The following DCTN3 variants were observed in gnomAD, a reference collection of about 807,000 sequenced individuals.
DCTN3 encodes dynactin 3 (p22).
Under a neutral mutation model 28.4 loss-of-function variants are expected in DCTN3, and 25 were observed. The ratio of observed to expected loss-of-function variants is 0.88; its 90% CI spans 0.64 to 1.23. The LOEUF is 1.23. Among genes scored for constraint, DCTN3 ranks in the 50% most tolerant of loss-of-function variants. The pLI, the probability that DCTN3 is intolerant of heterozygous loss-of-function variation, is 0.00. For missense variants in DCTN3, 229 were observed against 232.0 expected, an observed-to-expected ratio of 0.99 and a Z score of 0.08; for synonymous variants, 81 against 91.4, an observed-to-expected ratio of 0.89 and a Z score of 0.65.
chr9:34,614,646 C>A, intron 5 of DCTN3, 64 bp downstream of exon 5: 1 of 1,589,414 alleles, frequency 6.3e-7, no homozygotes. Context: ...CCCCAGGTGG[C>A]ATGAGTTGGG....
chr9:34,617,933 C>T lies in DCTN3; in HGVS notation c.220G>A (p.Asp74Asn), dbSNP rs1020680836. The change falls in exon 3 of 7, where the codon GAC (aspartate) becomes AAC (asparagine). Residue 74 changes from aspartate to asparagine, a missense_variant. Physicochemically the swap from Asp to Asn is conservative, Grantham distance 23. Coordinates refer to ENST00000259632, the MANE Select transcript of DCTN3 (RefSeq NM_007234.5). Reference sequence around the variant, plus strand: ...GAGGCATCAGGTATGGCAATGCGGTCGATGTACTCAGGATCCAGGTACTTG... The same window carrying T: ...GAGGCATCAGGTATGGCAATGCGGTTGATGTACTCAGGATCCAGGTACTTG... The part of the protein sequence containing the change: ...LIKYLDPEYI[D>N]RIAIPDASKL... 25 of 1,613,698 alleles carry T rather than the reference C, an allele frequency of 1.5e-5. No individual in the cohort carries two copies. Among genetic ancestry groups the T allele is most frequent in the South Asian group, 3.3e-5 (3 of 91,038 alleles).
At chr9:34,617,599 T>C (rs1327783357) in intron 3 of DCTN3, 15 of 1,323,230 alleles carry the variant, frequency 1.1e-5, no homozygotes, top group Non-Finnish European at 1.3e-5. Context: ...TGAGCAGAAG[T>C]GAGGAAGGTT....
At chr9:34,620,329 G>C in intron 1 of DCTN3, 40 bp downstream of exon 1, 1 of 1,583,194 alleles carries the variant, frequency 6.3e-7, no homozygotes, top group Non-Finnish European at 8.7e-7. Flanking sequence ...GACCGCTCTT[G>C]CTCTGCTCCA....
Position 34,616,244 on chromosome 9 carries a change from C to A in DCTN3, c.269-131G>T. 1.6e-6 allele frequency: 1 copy of A among 639,868 alleles called. No homozygotes were observed. The highest frequency in any genetic ancestry group is 2.8e-6 in the Non-Finnish European group (1 of 356,106). The allele number at this position is 639,868 out of a possible 1,614,324, so 39.6% of individuals were successfully genotyped here. Reference sequence around the variant, plus strand: ...GAGCTTTGGACAGTGACTCTGTCCACTGCCCCCTTCTCTAGGTGCACATTT... The same window carrying A: ...GAGCTTTGGACAGTGACTCTGTCCAATGCCCCCTTCTCTAGGTGCACATTT... On this transcript the variant is annotated intron_variant, in intron 3 of 6. Transcript: ENST00000259632. The surrounding 1 kb of genome is among the most constrained non-coding windows in gnomAD (Gnocchi z 4.7).
At chr9:34,614,003 A>G (rs1464197176) in intron 6 of DCTN3, 39 bp downstream of exon 6, 3 of 1,605,076 alleles carry the variant, frequency 1.9e-6, no homozygotes, top group Non-Finnish European at 2.6e-6. Flanking sequence ...GGGCTTAGGG[A>G]CAGCACCCAT....
At chr9:34,618,247 T>G (rs1299438498) in intron 2 of DCTN3, among the ~76,000 whole-genome samples, 1 of 152,132 alleles carries the variant, frequency 6.6e-6, no homozygotes, top group Non-Finnish European at 1.5e-5. Flanking sequence ...TGACCTATCC[T>G]CACCAAGGGT....
chr9:34,618,034 G>C (rs182852524), intron 2 of DCTN3, 63 bp from the exon 3 acceptor site: 3 of 1,533,982 alleles, frequency 2.0e-6, no homozygotes, highest in Admixed American at 1.8e-5. Context: ...CCTTATGAAG[G>C]ATGTTTGACA....
At chr9:34,615,836 G>C in intron 4 of DCTN3, 194 bp downstream of exon 4, 1 of 436,242 alleles carries the variant, frequency 2.3e-6, no homozygotes, top group Non-Finnish European at 4.1e-6. Context: ...AGGAGGCAGC[G>C]GTTGCAGTGA....
chr9:34,614,646 C>G, intron 5 of DCTN3, 64 bp downstream of exon 5: 1 of 1,589,414 alleles, frequency 6.3e-7, no homozygotes, highest in Non-Finnish European at 8.6e-7. Flanking sequence ...CCCCAGGTGG[C>G]ATGAGTTGGG....
intron 1 of DCTN3, 79 bp downstream of exon 1, chr9:34,620,290 G>A (rs1820523847): frequency 8.1e-7 from 1 of 1,236,434 alleles, no homozygotes; most frequent in Admixed American, 1.8e-5. Flanking sequence ...CAGGACTGGA[G>A]CGGTTGCATC....
chr9:34,615,004 G>A lies in DCTN3; in HGVS notation c.353-236C>T. Reference sequence around the variant, plus strand: ...GTCCCGAGGAGAAGACAAAACCTTGGGGTTCCCAGTGTTGCTCCCTACCCC... The same window carrying A: ...GTCCCGAGGAGAAGACAAAACCTTGAGGTTCCCAGTGTTGCTCCCTACCCC... On this transcript the variant is annotated intron_variant, in intron 4 of 6. Coordinates refer to ENST00000259632, the MANE Select transcript of DCTN3 (RefSeq NM_007234.5). 7 of 548,260 alleles carry A rather than the reference G, an allele frequency of 1.3e-5. No individual in the cohort carries two copies. In the South Asian group the frequency reaches 1.7e-4, roughly 14 times the overall value. The allele number at this position is 548,260 out of a possible 1,614,324, so 34.0% of individuals were successfully genotyped here. A position where few individuals can be genotyped will look rare whatever the true frequency, so the allele number is the denominator to read the frequency against.
chr9:34,615,864 G>GAGT, intron 4 of DCTN3, 166 bp downstream of exon 4: 1 of 508,832 alleles, frequency 2.0e-6, no homozygotes, highest in East Asian at 3.4e-5. Context: ...TCATGCCACT[G>GAGT]CACTCCAGCC....
chr9:34,618,479 G>A (rs971917484), intron 2 of DCTN3, among the ~76,000 whole-genome samples, 197 bp downstream of exon 2: 7 of 152,180 alleles, frequency 4.6e-5, no homozygotes, highest in Admixed American at 1.3e-4. Flanking sequence ...ACACTGTCAT[G>A]GGCTTGAGGT....
At chr9:34,613,978 T>G (rs1290879745) in intron 6 of DCTN3, 64 bp downstream of exon 6, 2 of 1,606,332 alleles carry the variant, frequency 1.2e-6, no homozygotes, top group Admixed American at 3.3e-5. Context: ...GAGCTAGAGG[T>G]GGAACAAAAG....
Position 34,616,040 on chromosome 9 carries a change from A to C in DCTN3, c.342T>G (p.Ala114=). 2 of 1,613,982 alleles carry C rather than the reference A, an allele frequency of 1.2e-6. No homozygotes were observed. Among genetic ancestry groups the C allele is most frequent in the Non-Finnish European group, 1.7e-6 (2 of 1,179,898 alleles). The part of the protein sequence containing the change: ...VNALVPMLDS[A]HIKAVPEHAA... ...ACCCCAGAGAGATACCTTTGATGTG[A>C]GCACTGTCCAGCATGGGCACCAAGG... Residue 114 remains alanine, a synonymous_variant, in exon 4 of 7, where the codon GCT becomes GCG. Coordinates refer to ENST00000259632, the MANE Select transcript of DCTN3 (RefSeq NM_007234.5). This position sits in a 1 kb window ranked among gnomAD's most constrained non-coding sequence, Gnocchi z 4.7.
chr9:34,617,927 T>A lies in DCTN3; in HGVS notation c.226A>T (p.Ile76Phe). ...AGCTTAGAGGCATCAGGTATGGCAA[T>A]GCGGTCGATGTACTCAGGATCCAGG... Reference protein sequence around the residue: ...KYLDPEYIDRIAIPDASKLQF... With the variant: ...KYLDPEYIDRFAIPDASKLQF... The change falls in exon 3 of 7, where the codon ATT becomes TTT. Residue 76 changes from isoleucine to phenylalanine, a missense_variant. Coordinates refer to ENST00000259632, the MANE Select transcript of DCTN3 (RefSeq NM_007234.5). The A allele has an allele frequency of 6.2e-7, 1 of 1,613,964 alleles. No homozygotes were observed.
At chr9:34,620,023 T>G (rs990155011) in intron 1 of DCTN3, among the ~76,000 whole-genome samples, 2 of 152,214 alleles carry the variant, frequency 1.3e-5, no homozygotes, top group African/African-American at 4.8e-5. Context: ...CAATTAATTA[T>G]GCAGGGCTCT....
chr9:34,615,965 G>A (rs980017293), intron 4 of DCTN3, 65 bp downstream of exon 4: 76 of 1,325,918 alleles, frequency 5.7e-5, no homozygotes, highest in Admixed American at 1.4e-4. Context: ...ACACAGGAAA[G>A]TCTTGCCCAT....
At chr9:34,618,589 A>T (rs1820476752) in intron 2 of DCTN3, 87 bp downstream of exon 2, 4 of 964,534 alleles carry the variant, frequency 4.1e-6, no homozygotes, top group African/African-American at 1.6e-5. Flanking sequence ...TATTCCAGTG[A>T]CCTAATGAAC....
Sources: allele counts gnomAD v4.1 joint callset (sites outside exome capture counted in the v4.1 genomes callset), GRCh38; gene constraint gnomAD v4.1.1; non-coding constraint Gnocchi (gnomAD v3.1); transcripts MANE v1.5; gene names NCBI Gene and HGNC (gene_info 2026-07-23, HGNC 2026-07-21).